ZNF385D: variants seen among roughly 807,000 people sequenced by gnomAD.
ZNF385D encodes the protein zinc finger protein 385D.
Under a neutral mutation model 35.8 loss-of-function variants are expected in ZNF385D, and 15 were observed. The observed-to-expected ratio is 0.42, with a 90% CI of 0.28 to 0.64. ZNF385D has a LOEUF of 0.64. ZNF385D is among the 30% of genes least tolerant of loss of function. The pLI, the probability that ZNF385D is intolerant of heterozygous loss-of-function variation, is 0.23. For missense variants in ZNF385D, 474 were observed against 494.6 expected, an observed-to-expected ratio of 0.96 and a Z score of 0.39; for synonymous variants, 212 against 186.8, an observed-to-expected ratio of 1.13 and a Z score of -1.10.
Position 21,853,797 on chromosome 3 carries a change from T to C in ZNF385D, c.326-188769A>G, listed in dbSNP as rs1050879951. ...GATTACAGTAAGGATTAACTGAAAA[T>C]ATGACTGTGATGTTATTCATTAAAA... On this transcript the variant is annotated intron_variant, in intron 3 of 5. Transcript: ENST00000494108. Among the ~76,000 whole-genome samples the C allele has an allele frequency of 3.3e-5, 5 of 151,802 alleles. No individual in the cohort carries two copies. The South Asian group carries it at 1.0e-3, about 31-fold the overall frequency.
rs375430153 is a variant in ZNF385D at position 22,037,483 on chromosome 3, C to T, written c.325+131334G>A. On this transcript the variant is annotated intron_variant, in intron 3 of 5. Coordinates refer to the ZNF385D transcript ENST00000494108. ...GCCAGTGATGATGAGCATTTTTTCA[C>T]GTGTCTGTTGGCTGCATAAATGTCT... 8.1e-3 allele frequency among the ~76,000 whole-genome samples: 1,213 copies of T among 149,868 alleles called. 22 individuals are homozygous for T. Among genetic ancestry groups the T allele is most frequent in the African/African-American group, 0.028 (1,134 of 40,876 alleles).
intron 3 of ZNF385D, among the ~76,000 whole-genome samples, chr3:21,924,030 T>A (rs1239541961): frequency 1.3e-5 from 2 of 152,166 alleles, no homozygotes; most frequent in Non-Finnish European, 2.9e-5. Flanking sequence ...GCCTCAAAAT[T>A]ACCAAAATTA....
chr3:21,634,042 C>CA lies in ZNF385D; in HGVS notation c.165+30843dup, dbSNP rs1309431519. Among the ~76,000 whole-genome samples, 8 of 151,682 alleles carry CA rather than the reference C, an allele frequency of 5.3e-5. No homozygotes were observed. In the East Asian group the frequency reaches 9.7e-4, roughly 18 times the overall value. On this transcript the variant is annotated intron_variant, in intron 2 of 7. Transcript: ENST00000281523. Reference sequence around the variant, plus strand: ...AAGACCCCCATCTCTGCAAAAAATACAAAAAATAGCTAAGCATGATGGCAC... The same window carrying CA: ...AAGACCCCCATCTCTGCAAAAAATACAAAAAAATAGCTAAGCATGATGGCAC...
Position 22,277,334 on chromosome 3 carries a change from A to C in ZNF385D, c.106+95116T>G, listed in dbSNP as rs956027009. 3.9e-5 allele frequency among the ~76,000 whole-genome samples: 6 copies of C among 152,238 alleles called. No homozygotes were observed. In the East Asian group the frequency reaches 9.7e-4, roughly 25 times the overall value. ...AGAGGCTGAACCTAAAAGAATCCCT[A>C]GACACAACCTGTACTGGTGAAGGAA... On this transcript the variant is annotated intron_variant, in intron 2 of 5. Transcript: ENST00000494108.
intron 3 of ZNF385D, among the ~76,000 whole-genome samples, chr3:21,873,833 A>G (rs1185705126): frequency 1.3e-5 from 2 of 152,106 alleles, no homozygotes; most frequent in Non-Finnish European, 2.9e-5. Flanking sequence ...GAATGGCCAA[A>G]TAATACTTCA....
At chr3:21,704,524 A>G (rs1309294131) in intron 1 of ZNF385D, among the ~76,000 whole-genome samples, 2 of 151,854 alleles carry the variant, frequency 1.3e-5, no homozygotes, top group Non-Finnish European at 2.9e-5. Flanking sequence ...TTATTTATTT[A>G]TTGAGACAAC....
chr3:22,169,709 T>G (rs1576437921), intron 2 of ZNF385D, among the ~76,000 whole-genome samples: 1 of 152,188 alleles, frequency 6.6e-6, no homozygotes, highest in South Asian at 2.1e-4. Flanking sequence ...TTGGAAAGCA[T>G]TACTTCTGGA....
chr3:21,689,788 GC>G (rs754424303), intron 1 of ZNF385D, among the ~76,000 whole-genome samples: 23 of 151,718 alleles, frequency 1.5e-4, no homozygotes, highest in Admixed American at 3.3e-4. Context: ...AATTGCCCAG[GC>G]GATACTGATG....
At chr3:21,972,867 G>T (rs900170316) in intron 3 of ZNF385D, among the ~76,000 whole-genome samples, 1 of 151,846 alleles carries the variant, frequency 6.6e-6, no homozygotes, top group African/African-American at 2.4e-5. Flanking sequence ...AGATTGAACC[G>T]TGAAGAAATC....
At chr3:21,965,740 G>C (rs1163251108) in intron 3 of ZNF385D, among the ~76,000 whole-genome samples, 1 of 152,174 alleles carries the variant, frequency 6.6e-6, no homozygotes, top group African/African-American at 2.4e-5. Context: ...GATAACTTCT[G>C]TGGTAAGAGG....
chr3:21,820,255 T>C (rs2073345048), intron 3 of ZNF385D, among the ~76,000 whole-genome samples: 2 of 151,770 alleles, frequency 1.3e-5, no homozygotes, highest in African/African-American at 4.8e-5. Flanking sequence ...ATTAGTAACA[T>C]ACAGCTCACA....
intron 2 of ZNF385D, among the ~76,000 whole-genome samples, chr3:21,570,716 A>G (rs781582422): frequency 6.6e-6 from 1 of 152,096 alleles, no homozygotes; most frequent in Admixed American, 6.6e-5. Context: ...CCAATATCAC[A>G]TAACTAGTAA....
chr3:21,829,470 A>G (rs1459094633), intron 3 of ZNF385D, among the ~76,000 whole-genome samples: 1 of 152,164 alleles, frequency 6.6e-6, no homozygotes, highest in African/African-American at 2.4e-5. Context: ...GTCAGAGAGA[A>G]GGGATGGGCC....
chr3:21,951,710 G>T (rs1359455245), intron 3 of ZNF385D, among the ~76,000 whole-genome samples: 1 of 151,432 alleles, frequency 6.6e-6, no homozygotes, highest in African/African-American at 2.4e-5. Flanking sequence ...TCTTTATTCA[G>T]GCCCTACTTT....
intron 3 of ZNF385D, among the ~76,000 whole-genome samples, chr3:21,969,435 G>C (rs1703107362): frequency 6.6e-6 from 1 of 152,150 alleles, no homozygotes; most frequent in Non-Finnish European, 1.5e-5. Context: ...CCTTGAGAAG[G>C]AGGTCCTAGC....
intron 3 of ZNF385D, among the ~76,000 whole-genome samples, chr3:21,875,724 G>A (rs1697928696): frequency 6.6e-6 from 1 of 151,926 alleles, no homozygotes. Context: ...CAAACTCCGA[G>A]GCCACTCCAA....
At chr3:21,952,181 T>C (rs772380995) in intron 3 of ZNF385D, among the ~76,000 whole-genome samples, 1 of 152,034 alleles carries the variant, frequency 6.6e-6, no homozygotes, top group Non-Finnish European at 1.5e-5. Context: ...TCTCCTCTCA[T>C]GGCTTAAAAA....
At chr3:22,301,697 C>A (rs1043052412) in intron 2 of ZNF385D, among the ~76,000 whole-genome samples, 1 of 151,962 alleles carries the variant, frequency 6.6e-6, no homozygotes, top group East Asian at 1.9e-4. Context: ...AATCCTCTAC[C>A]CTAGCACATT....
At chr3:21,571,741 T>TA (rs1437916920) in intron 2 of ZNF385D, among the ~76,000 whole-genome samples, 1 of 152,126 alleles carries the variant, frequency 6.6e-6, no homozygotes, top group Non-Finnish European at 1.5e-5. Flanking sequence ...GACAACTTGC[T>TA]AGAATGACTT....
Sources: allele counts gnomAD v4.1 joint callset (sites outside exome capture counted in the v4.1 genomes callset), GRCh38; gene constraint gnomAD v4.1.1; transcripts MANE v1.5; gene names NCBI Gene and HGNC (gene_info 2026-07-23, HGNC 2026-07-21).